The following ABCG1 variants were observed in gnomAD, a reference collection of about 807,000 sequenced individuals.
ABCG1 encodes ATP binding cassette subfamily G member 1, also known as ATP-binding cassette sub-family G member 1.
ABCG1 carries 29 observed loss-of-function variants against 69.2 expected under a neutral mutation model. The observed-to-expected ratio is 0.42, with a 90% CI of 0.31 to 0.57. The LOEUF (loss-of-function observed/expected upper bound fraction) is 0.57. Among genes scored for constraint, ABCG1 ranks in the 20% least tolerant of loss-of-function variants. ABCG1 has a pLI of 0.15. For missense variants in ABCG1, 718 were observed against 898.1 expected (o/e 0.80, Z 2.56); for synonymous variants, 370 against 374.8 (o/e 0.99, Z 0.15).
At chr21:42,269,051 G>A (rs925869028) in intron 2 of ABCG1, among the ~76,000 whole-genome samples, 2 of 152,194 alleles carry the variant, frequency 1.3e-5, no homozygotes, top group Non-Finnish European at 2.9e-5. Context: ...CCCGAGGCAT[G>A]AACCCTCAGG....
At chr21:42,283,213 G>C (rs570453817) in intron 6 of ABCG1, among the ~76,000 whole-genome samples, 6 of 152,186 alleles carry the variant, frequency 3.9e-5, no homozygotes, top group Admixed American at 1.3e-4. Flanking sequence ...AGCCTTCTGA[G>C]GGGGGGATGG....
At chr21:42,208,223 CTTTT>C (rs35946579) in intron 2 of ABCG1, among the ~76,000 whole-genome samples, 1 of 133,698 alleles carries the variant, frequency 7.5e-6, no homozygotes. Flanking sequence ...TTTGTTGGGA[CTTTT>C]TTTTTTTTTT....
At position 42,219,362 on chromosome 21, in the gene ABCG1, AAC is replaced by A. The variant is rs1601342685; in HGVS notation, c.42+64_42+65del. The stretch of plus-strand genomic sequence containing the variant: ...GGTTTTATTTTCAAGGAGAGCAGGA[AAC>A]ACACAAAGACTCGCAAGCTCGACCT... On this transcript the variant is annotated intron_variant, in intron 1 of 14. Transcript: ENST00000398449. This position sits in a 1 kb window ranked among gnomAD's most constrained non-coding sequence, Gnocchi z 5.3. 1.3e-6 allele frequency: 2 copies of A among 1,565,244 alleles called. No homozygotes were observed. The highest frequency in any genetic ancestry group is 1.7e-6 in the Non-Finnish European group (2 of 1,160,628).
chr21:42,219,288 C>A lies in ABCG1; in HGVS notation c.26C>A (p.Ser9Ter), dbSNP rs1261788064. 2.5e-6 allele frequency: 4 copies of A among 1,593,092 alleles called. No individual in the cohort carries two copies. In the African/African-American group the frequency reaches 5.5e-5, roughly 22 times the overall value. MACLMAAF[S>*]VGTAMNASSY... is the part of the protein sequence containing the mutation. ...ATGGCCTGTCTGATGGCCGCTTTCT[C>A]GGTCGGCACCGCCATGGTGAGTGAG... The change falls in exon 1 of 15, where the codon TCG becomes TAG. Residue 9 changes from serine (S) to a stop codon, truncating the protein, a stop_gained. Coordinates refer to ENST00000398449, the MANE Select transcript of ABCG1 (RefSeq NM_016818.3). LOFTEE classifies it high-confidence loss of function. The surrounding 1 kb of genome is among the most constrained non-coding windows in gnomAD (Gnocchi z 5.3).
chr21:42,241,065 A>G (rs1398373514), intron 2 of ABCG1, among the ~76,000 whole-genome samples: 1 of 152,278 alleles, frequency 6.6e-6, no homozygotes, highest in Admixed American at 6.5e-5. Flanking sequence ...CTGACAGTCA[A>G]CAGTCCTGGT....
intron 2 of ABCG1, among the ~76,000 whole-genome samples, chr21:42,269,898 C>T (rs1029279158): frequency 6.6e-6 from 1 of 152,188 alleles, no homozygotes; most frequent in Admixed American, 6.5e-5. Context: ...TCCCCTGAAA[C>T]GTGTGGAAGC....
chr21:42,284,549 T>C lies in ABCG1; in HGVS notation c.735-11T>C. 3 of 1,612,360 alleles carry C rather than the reference T, an allele frequency of 1.9e-6. No homozygotes were observed. Among genetic ancestry groups the C allele is most frequent in the East Asian group, 2.2e-5 (1 of 44,864 alleles). On this transcript the variant is annotated splice_polypyrimidine_tract_variant and intron_variant, in intron 6 of 14. Transcript: ENST00000398449. ...GCCCGCAGGCGTCTCACGGTGCCTC[T>C]TGACTTGCAGCGGCCTGGACAGCGC...
At chr21:42,275,936 C>T (rs986207531) in intron 4 of ABCG1, among the ~76,000 whole-genome samples, 9 of 152,218 alleles carry the variant, frequency 5.9e-5, no homozygotes. Flanking sequence ...TGTCACATGG[C>T]AGGAGCGTGG....
At chr21:42,204,964 T>C (rs1476946755) in intron 2 of ABCG1, among the ~76,000 whole-genome samples, 3 of 152,132 alleles carry the variant, frequency 2.0e-5, no homozygotes, top group Admixed American at 6.5e-5. Context: ...AAATGTTTGA[T>C]AGAATTCTCC....
intron 2 of ABCG1, among the ~76,000 whole-genome samples, chr21:42,250,390 T>A (rs2068200899): frequency 6.6e-6 from 1 of 152,140 alleles, no homozygotes; most frequent in Admixed American, 6.5e-5. Flanking sequence ...GCCCCATGCC[T>A]CAGTGGTCTT....
rs2068705453 is a variant in ABCG1 at position 42,276,100 on chromosome 21, A to C, written c.538-795A>C. On this transcript the variant is annotated intron_variant, in intron 4 of 14. Transcript: ENST00000398449. The surrounding 1 kb of genome is among the most constrained non-coding windows in gnomAD (Gnocchi z 5.3). ...CAGAGCTTAACCTCACCATTGTGCC[A>C]GTGAGGAAATGGAGGTTGCACGTTT... 6.6e-6 allele frequency among the ~76,000 whole-genome samples: 1 copy of C among 151,036 alleles called. No homozygotes were observed. The highest frequency in any genetic ancestry group is 2.4e-5 in the African/African-American group (1 of 41,064).
upstream of ABCG1, among the ~76,000 whole-genome samples, chr21:42,217,029 T>C (rs1285951627): frequency 6.6e-6 from 1 of 152,120 alleles, no homozygotes; most frequent in East Asian, 1.9e-4. Flanking sequence ...GCATCTTCCC[T>C]CTCTGACTTC....
chr21:42,228,189 C>G (rs755046564), intron 2 of ABCG1, among the ~76,000 whole-genome samples: 6 of 152,156 alleles, frequency 3.9e-5, no homozygotes, highest in Non-Finnish European at 8.8e-5. Context: ...GGGTGGCCAC[C>G]AGATAGAGAC....
At chr21:42,289,502 G>A (rs562098675) in intron 10 of ABCG1, among the ~76,000 whole-genome samples, 3 of 152,156 alleles carry the variant, frequency 2.0e-5, no homozygotes, top group Admixed American at 6.5e-5. Context: ...GATTGGGACG[G>A]GGGGTTGGAC....
At chr21:42,246,441 G>T (rs1210651793) in intron 2 of ABCG1, among the ~76,000 whole-genome samples, 1 of 152,170 alleles carries the variant, frequency 6.6e-6, no homozygotes, top group Non-Finnish European at 1.5e-5. Flanking sequence ...AAACAATGCT[G>T]CTTTGCTCTG....
chr21:42,216,412 C>T (rs915758041), upstream of ABCG1, among the ~76,000 whole-genome samples: 3 of 152,194 alleles, frequency 2.0e-5, no homozygotes, highest in African/African-American at 4.8e-5. Context: ...TAGAATGCCT[C>T]GAAAAGTCTT....
At position 42,284,696 on chromosome 21, in the gene ABCG1, C is replaced by T. The variant is rs780889969; in HGVS notation, c.858+13C>T. The stretch of plus-strand genomic sequence containing the variant: ...GCTGTTCGACCAGGTACGCGGGCCC[C>T]GGGCCCTCCCCGCCAGATTACCACT... On this transcript the variant is annotated intron_variant, in intron 7 of 14. Transcript: ENST00000398449. 63 of 1,610,998 alleles carry T rather than the reference C, an allele frequency of 3.9e-5. No homozygotes were observed. Among genetic ancestry groups the T allele is most frequent in the South Asian group, 9.9e-5 (9 of 91,058 alleles).
At chr21:42,230,027 A>G (rs957871327) in intron 2 of ABCG1, among the ~76,000 whole-genome samples, 12 of 152,248 alleles carry the variant, frequency 7.9e-5, no homozygotes, top group Non-Finnish European at 1.8e-4. Flanking sequence ...ATGAAGTCCT[A>G]CGTAATTATT....
At chr21:42,202,090 C>G (rs953506341) in intron 2 of ABCG1, among the ~76,000 whole-genome samples, 1 of 152,344 alleles carries the variant, frequency 6.6e-6, no homozygotes, top group East Asian at 1.9e-4. Context: ...CATCTCCATG[C>G]AGCAGCAGCG....
Sources: gnomAD v4.1 joint callset for allele counts (sites outside exome capture counted in the v4.1 genomes callset) on GRCh38, gnomAD v4.1.1 for gene constraint, Gnocchi (gnomAD v3.1) non-coding constraint, MANE v1.5 for transcripts, NCBI Gene and HGNC (gene_info 2026-07-23, HGNC 2026-07-21) for gene names.